The following SCD5 variants were observed in gnomAD, a reference collection of about 807,000 sequenced individuals.
The protein encoded by SCD5 is stearoyl-CoA desaturase 5.
In SCD5, 20 loss-of-function variants were observed where a neutral mutation model predicts 30.4. The ratio of observed to expected loss-of-function variants is 0.66; its 90% confidence interval spans 0.46 to 0.96. The LOEUF is 0.96. Among genes scored for constraint, SCD5 ranks in the 40% least tolerant of loss-of-function variants. SCD5 has a pLI of 0.00. For synonymous variants in SCD5, 173 were observed against 176.4 expected (o/e 0.98, Z 0.16); for missense variants, 381 against 443.3 (o/e 0.86, Z 1.26).
intron 3 of SCD5, among the ~76,000 whole-genome samples, chr4:82,651,275 A>G (rs1560524401): frequency 6.6e-6 from 1 of 152,182 alleles, no homozygotes. Context: ...AATGAATAAG[A>G]GTTGGCTAGG....
At chr4:82,750,594 G>C (rs777148150) in intron 1 of SCD5, among the ~76,000 whole-genome samples, 1 of 151,584 alleles carries the variant, frequency 6.6e-6, no homozygotes, top group African/African-American at 2.4e-5. Context: ...TTGAGTCCTC[G>C]AGAATATGGC....
intron 3 of SCD5, among the ~76,000 whole-genome samples, chr4:82,667,842 GT>G (rs1192123163): frequency 2.0e-5 from 3 of 152,310 alleles, no homozygotes; most frequent in Non-Finnish European, 4.4e-5. Flanking sequence ...AGGATAAGAT[GT>G]AGTGGTTTGA....
chr4:82,747,887 G>A (rs1418381491), intron 1 of SCD5, among the ~76,000 whole-genome samples: 2 of 152,198 alleles, frequency 1.3e-5, no homozygotes, highest in African/African-American at 4.8e-5. Flanking sequence ...CCACAGAAAG[G>A]CTGCAATTCA....
intron 1 of SCD5, among the ~76,000 whole-genome samples, chr4:82,775,093 G>A (rs1178803070): frequency 2.6e-5 from 4 of 152,200 alleles, no homozygotes; most frequent in African/African-American, 9.7e-5. Context: ...CTCCAGCTCA[G>A]CCAGCACAGG....
intron 1 of SCD5, among the ~76,000 whole-genome samples, chr4:82,766,837 C>T (rs538645503): frequency 2.1e-4 from 32 of 152,162 alleles, no homozygotes; most frequent in Non-Finnish European, 3.4e-4. Context: ...GCCAGCACAC[C>T]CAGCTAATTT....
At chr4:82,767,512 T>C (rs13120210) in intron 1 of SCD5, among the ~76,000 whole-genome samples, 36,307 of 152,048 alleles carry the variant, frequency 0.24, 4,993 homozygotes, top group African/African-American at 0.38. Context: ...CGTCCTGTTC[T>C]GCCTGATGTC....
At chr4:82,702,393 C>A (rs529717053) in intron 2 of SCD5, among the ~76,000 whole-genome samples, 1 of 151,860 alleles carries the variant, frequency 6.6e-6, no homozygotes, top group African/African-American at 2.4e-5. Context: ...GATCCACTCG[C>A]CTCGGCCTCC....
At chr4:82,634,146 T>C (rs549153134) in intron 4 of SCD5, among the ~76,000 whole-genome samples, 6 of 152,380 alleles carry the variant, frequency 3.9e-5, no homozygotes, top group African/African-American at 1.4e-4. Flanking sequence ...TACGTATCCA[T>C]CCATCAGTTG....
At chr4:82,743,598 C>G (rs1032800276) in intron 1 of SCD5, among the ~76,000 whole-genome samples, 1 of 151,978 alleles carries the variant, frequency 6.6e-6, no homozygotes, top group Non-Finnish European at 1.5e-5. Context: ...ACGGGCTCAC[C>G]GCAACTTCTA....
chr4:82,669,194 A>G (rs1728253591), intron 3 of SCD5, among the ~76,000 whole-genome samples: 1 of 152,182 alleles, frequency 6.6e-6, no homozygotes, highest in Non-Finnish European at 1.5e-5. Context: ...GGGGTAGAGA[A>G]GCAAAGATGA....
intron 3 of SCD5, among the ~76,000 whole-genome samples, chr4:82,658,456 T>TGGTGGATA (rs1727911755): frequency 7.0e-6 from 1 of 142,876 alleles, no homozygotes; most frequent in South Asian, 2.3e-4. Flanking sequence ...GACTTGATTG[T>TGGTGGATA]GGTGGATAAG....
rs572984081 is a variant in SCD5, at chr4:82,798,157, C to T, written c.232+149G>A. ...GTCCCAAGGGACGGAAAACTGGATG[C>T]CAAGGGGGCCGCGGCGCGCAGCGGG... On this transcript the variant is annotated intron_variant, in intron 1 of 4. Transcript: ENST00000319540. The T allele has an allele frequency of 2.4e-3, 2,182 of 899,010 alleles. 41 individuals carry two copies. The African/African-American group carries it at 0.036, about 15-fold the overall frequency. The allele number at this position is 899,010 out of a possible 1,614,324, so 55.7% of individuals were successfully genotyped here. A position where few individuals can be genotyped will look rare whatever the true frequency, so the allele number is the denominator to read the frequency against.
chr4:82,794,279 G>C (rs1722160972), intron 1 of SCD5, among the ~76,000 whole-genome samples: 2 of 152,158 alleles, frequency 1.3e-5, no homozygotes, highest in South Asian at 4.1e-4. Context: ...AAGGAAACAG[G>C]GAAAATTACT....
At chr4:82,722,444 G>C (rs1202144308) in intron 1 of SCD5, among the ~76,000 whole-genome samples, 1 of 152,194 alleles carries the variant, frequency 6.6e-6, no homozygotes, top group Non-Finnish European at 1.5e-5. Flanking sequence ...AAATGTGAAA[G>C]ATCACTTAAT....
At chr4:82,768,380 T>C (rs547840894) in intron 1 of SCD5, among the ~76,000 whole-genome samples, 3 of 152,064 alleles carry the variant, frequency 2.0e-5, no homozygotes, top group East Asian at 1.9e-4. Context: ...AAATAACTAA[T>C]AGGATAATAA....
chr4:82,761,267 T>C (rs1001355440), intron 1 of SCD5, among the ~76,000 whole-genome samples: 3 of 152,232 alleles, frequency 2.0e-5, no homozygotes, highest in African/African-American at 7.2e-5. Context: ...TCCTCAACAC[T>C]TGGGAGAATC....
intron 3 of SCD5, among the ~76,000 whole-genome samples, chr4:82,653,725 T>TATAGATAGATAGATAGATATAG (rs1320243019): frequency 2.0e-5 from 3 of 148,426 alleles, no homozygotes; most frequent in African/African-American, 7.5e-5. Flanking sequence ...GATAGATAGA[T>TATAGATAGATAGATAGATATAG]ATAGATAGAT....
intron 2 of SCD5, among the ~76,000 whole-genome samples, chr4:82,688,893 C>T (rs899624842): frequency 3.9e-5 from 6 of 152,130 alleles, no homozygotes; most frequent in Admixed American, 1.3e-4. Flanking sequence ...ACATATTTAA[C>T]ACATACTTTT....
intron 2 of SCD5, among the ~76,000 whole-genome samples, chr4:82,703,482 G>T (rs1311923295): frequency 6.6e-6 from 1 of 152,190 alleles, no homozygotes; most frequent in Non-Finnish European, 1.5e-5. Context: ...TCCCCTTGCA[G>T]ATAAAGGAAC....
Sources: allele counts gnomAD v4.1 joint callset (sites outside exome capture counted in the v4.1 genomes callset), GRCh38; gene constraint gnomAD v4.1.1; transcripts MANE v1.5; gene names NCBI Gene and HGNC (gene_info 2026-07-23, HGNC 2026-07-21).